Variants in MMS22L observed in about 807,000 individuals in gnomAD.
MMS22L encodes MMS22 like, DNA repair protein.
A neutral mutation model predicts 159.1 loss-of-function variants in MMS22L; 74 were observed. The observed-to-expected ratio is 0.47, with a 90% CI of 0.39 to 0.56. MMS22L has a LOEUF of 0.56. MMS22L is among the 20% of genes least tolerant of loss of function. MMS22L has a pLI of 0.00. For synonymous variants in MMS22L, 517 were observed against 506.9 expected, an observed-to-expected ratio of 1.02 and a Z score of -0.27; for missense variants, 1,351 against 1,422.1, an observed-to-expected ratio of 0.95 and a Z score of 0.80.
chr6:97,274,439 T>C (rs1044180935), intron 4 of MMS22L, among the ~76,000 whole-genome samples: 2 of 151,114 alleles, frequency 1.3e-5, no homozygotes, highest in African/African-American at 4.9e-5. Context: ...CAAGACGGAG[T>C]AAAATAATCA....
chr6:97,244,912 AAATTATGTTCGAAGGGG>A (rs1318489084), intron 11 of MMS22L, among the ~76,000 whole-genome samples: 2 of 151,978 alleles, frequency 1.3e-5, no homozygotes, highest in Non-Finnish European at 2.9e-5. Flanking sequence ...CAGGGCTACG[AAATTATGTTCGAAGGGG>A]AATTATGGCT....
In MMS22L at chr6:97,143,085, A is replaced by T. The variant is rs1490160827; in HGVS notation, c.*3721T>A. On this transcript the variant is annotated 3_prime_UTR_variant, in exon 25 of 25. Coordinates refer to ENST00000683635, the MANE Select transcript of MMS22L (RefSeq NM_001350599.2). ...CCATGGAAACGTTCTAATTAAATTG[A>T]AATTTAAATCATAACCAAATCCAAA... 1 of 152,598 alleles carries T rather than the reference A, an allele frequency of 6.6e-6. No individual in the cohort carries two copies. Among genetic ancestry groups the T allele is most frequent in the Non-Finnish European group, 1.5e-5 (1 of 68,028 alleles). 9.5% of individuals were successfully genotyped at this position (152,598 alleles called of 1,614,324 possible). A position where few individuals can be genotyped will look rare whatever the true frequency, so the allele number is the denominator to read the frequency against.
upstream of MMS22L, among the ~76,000 whole-genome samples, chr6:97,283,819 A>G (rs932048391): frequency 3.3e-5 from 5 of 152,246 alleles, no homozygotes; most frequent in Non-Finnish European, 5.9e-5. Context: ...AATGTCATCA[A>G]CTTTAAAAAG....
At chr6:97,213,808 C>CA (rs1562465862) in intron 14 of MMS22L, among the ~76,000 whole-genome samples, 2 of 152,056 alleles carry the variant, frequency 1.3e-5, no homozygotes, top group South Asian at 4.1e-4. Flanking sequence ...CCTATACTAA[C>CA]AAGCATAGAA....
rs1027441736 is a variant in MMS22L, at chr6:97,278,424, A to T, written c.340+425T>A. On this transcript the variant is annotated intron_variant, in intron 4 of 24. Coordinates refer to ENST00000683635, the MANE Select transcript of MMS22L (RefSeq NM_001350599.2). The stretch of plus-strand genomic sequence containing the variant: ...TATCAAAAAAAAAAAAAGCAAAAAA[A>T]AACCAACTATACCAATCTAAACAAA... Among the ~76,000 whole-genome samples, 10 of 151,916 alleles carry T rather than the reference A, an allele frequency of 6.6e-5. No individual in the cohort carries two copies. In the East Asian group the frequency reaches 9.6e-4, roughly 15 times the overall value.
intron 11 of MMS22L, among the ~76,000 whole-genome samples, chr6:97,242,856 C>G: frequency 6.6e-6 from 1 of 152,172 alleles, no homozygotes; most frequent in East Asian, 1.9e-4. Context: ...TTTCACTGGA[C>G]ACAACATTCT....
chr6:97,203,517 A>G (rs750437133), intron 14 of MMS22L, among the ~76,000 whole-genome samples: 1 of 152,188 alleles, frequency 6.6e-6, no homozygotes, highest in Admixed American at 6.5e-5. Flanking sequence ...GTGCAAAGCC[A>G]CACTAGTTGG....
At chr6:97,166,880 T>C (rs1803011752) in intron 20 of MMS22L, among the ~76,000 whole-genome samples, 1 of 152,122 alleles carries the variant, frequency 6.6e-6, no homozygotes. Context: ...CTCCCCTTTT[T>C]GTCATTCTGC....
intron 18 of MMS22L, among the ~76,000 whole-genome samples, chr6:97,178,010 C>G (rs1804293781): frequency 6.6e-6 from 1 of 152,036 alleles, no homozygotes; most frequent in Non-Finnish European, 1.5e-5. Context: ...TTTAATGCTC[C>G]AACTATACTA....
chr6:97,250,092 T>C lies in MMS22L; in HGVS notation c.1120-3402A>G, dbSNP rs943721716. Among the ~76,000 whole-genome samples, 296 of 152,234 alleles carry C rather than the reference T, an allele frequency of 1.9e-3. 3 individuals carry two copies. Among genetic ancestry groups the C allele is most frequent in the East Asian group, 1.2e-3 (6 of 5,182 alleles). ...GGTAAGAGAATATGTATCAAAGAGATATAGATTTTTCTTCCACAATAAAAT... is the reference window on the plus strand; with the variant it reads ...GGTAAGAGAATATGTATCAAAGAGACATAGATTTTTCTTCCACAATAAAAT... On this transcript the variant is annotated intron_variant, in intron 10 of 24. Coordinates refer to ENST00000683635, the MANE Select transcript of MMS22L (RefSeq NM_001350599.2).
chr6:97,210,388 A>G (rs1808245933), intron 14 of MMS22L, among the ~76,000 whole-genome samples: 1 of 151,980 alleles, frequency 6.6e-6, no homozygotes, highest in African/African-American at 2.4e-5. Flanking sequence ...GGGTGAAGAA[A>G]GGATTCTCTA....
chr6:97,234,044 G>C, intron 11 of MMS22L, 64 bp from the exon 12 acceptor site: 1 of 1,548,592 alleles, frequency 6.5e-7, no homozygotes, highest in South Asian at 1.2e-5. Flanking sequence ...ATTTTCACTT[G>C]ATATTGTGCT....
intron 10 of MMS22L, among the ~76,000 whole-genome samples, chr6:97,251,778 T>C (rs1813259499): frequency 6.6e-6 from 1 of 152,166 alleles, no homozygotes; most frequent in Non-Finnish European, 1.5e-5. Context: ...CCTCTGGAGT[T>C]CTCTGTATGA....
chr6:97,196,933 G>T (rs1221524076), intron 14 of MMS22L, among the ~76,000 whole-genome samples: 1 of 151,876 alleles, frequency 6.6e-6, no homozygotes, highest in African/African-American at 2.4e-5. Flanking sequence ...GTTATCTTAT[G>T]CTCTCATCTA....
intron 23 of MMS22L, among the ~76,000 whole-genome samples, chr6:97,150,242 A>C (rs990569261): frequency 7.9e-5 from 12 of 152,160 alleles, no homozygotes; most frequent in African/African-American, 2.9e-4. Flanking sequence ...CACTGTGGGG[A>C]GGAGCAGGGA....
intron 14 of MMS22L, among the ~76,000 whole-genome samples, chr6:97,209,441 C>T (rs1808140058): frequency 6.6e-6 from 1 of 151,776 alleles, no homozygotes; most frequent in South Asian, 2.1e-4. Flanking sequence ...GAGAGTAAGT[C>T]CATACAAAGC....
intron 6 of MMS22L, 36 bp downstream of exon 6, chr6:97,272,668 G>A: frequency 1.9e-6 from 3 of 1,555,152 alleles, no homozygotes; most frequent in Non-Finnish European, 2.6e-6. Context: ...GGGAGAAAAA[G>A]CTGATAATTT....
chr6:97,251,195 C>T (rs148362377), intron 10 of MMS22L, among the ~76,000 whole-genome samples: 262 of 152,234 alleles, frequency 1.7e-3, no homozygotes, highest in African/African-American at 5.9e-3. Context: ...CAAAATGGAA[C>T]ACATGGTTAC....
At chr6:97,204,693 C>A (rs1258744160) in intron 14 of MMS22L, among the ~76,000 whole-genome samples, 1 of 150,598 alleles carries the variant, frequency 6.6e-6, no homozygotes, top group Non-Finnish European at 1.5e-5. Flanking sequence ...TACTCGGGAG[C>A]CTGAAGTGAA....
Sources: gnomAD v4.1 joint callset for allele counts (sites outside exome capture counted in the v4.1 genomes callset) on GRCh38, gnomAD v4.1.1 for gene constraint, MANE v1.5 for transcripts, NCBI Gene and HGNC (gene_info 2026-07-23, HGNC 2026-07-21) for gene names.